UACA: variants seen among roughly 807,000 people sequenced by gnomAD.
The protein encoded by UACA is nuclear membrane binding protein.
UACA carries 112 observed loss-of-function variants against 160.5 expected under a neutral mutation model. The observed-to-expected ratio is 0.70, with a 90% CI of 0.60 to 0.82. The LOEUF (loss-of-function observed/expected upper bound fraction) is 0.82, where lower values mean the gene tolerates loss of function less well. Among genes scored for constraint, UACA ranks in the 40% least tolerant of loss-of-function variants. The pLI is 0.00. For missense variants in UACA, 1,574 were observed against 1,614.6 expected (o/e 0.97, Z 0.43); for synonymous variants, 557 against 568.4 (o/e 0.98, Z 0.29).
Position 70,763,359 on chromosome 15 carries a change from C to G in UACA, c.49G>C (p.Ala17Pro). ...RLRRQDVPGP[A>P]SSGAAAASAH... ...CTGGCGGCGGCGGCGCCAGACGACG[C>G]GGGGCCGGGCACGTCCTGCCTCCTC... Residue 17 changes from alanine to proline, a missense_variant, in exon 1 of 19, where the codon GCG becomes CCG. Ala to Pro is a conservative substitution (Grantham distance 27, BLOSUM62 -1). Coordinates refer to ENST00000322954, the MANE Select transcript of UACA (RefSeq NM_018003.4). 1 of 1,333,372 alleles carries G rather than the reference C, an allele frequency of 7.5e-7. No homozygotes were observed. Among genetic ancestry groups the G allele is most frequent in the Non-Finnish European group, 9.6e-7 (1 of 1,036,498 alleles). The allele number at this position is 1,333,372 out of a possible 1,614,324, so 82.6% of individuals were successfully genotyped here.
chr15:70,762,605 A>G (rs797007969), intron 1 of UACA, among the ~76,000 whole-genome samples: 7 of 152,320 alleles, frequency 4.6e-5, no homozygotes, highest in African/African-American at 1.7e-4. Flanking sequence ...GCAGGTCAGC[A>G]CCGAAAGAGC....
chr15:70,670,940 T>A, intron 15 of UACA, 99 bp downstream of exon 15: 1 of 629,106 alleles, frequency 1.6e-6, no homozygotes, highest in South Asian at 3.3e-5. Context: ...ACTCTATGTA[T>A]ATATACTTAA....
chr15:70,778,151 T>G, the UACA span, among the ~76,000 whole-genome samples: 1 of 151,528 alleles, frequency 6.6e-6, no homozygotes, highest in Non-Finnish European at 1.5e-5. Flanking sequence ...CAGTGAGCTG[T>G]GATCGTGCCA....
At chr15:70,762,912 G>A (rs931365005) in intron 1 of UACA, among the ~76,000 whole-genome samples, 2 of 152,200 alleles carry the variant, frequency 1.3e-5, no homozygotes, top group Non-Finnish European at 2.9e-5. Context: ...TGCGAGCCCC[G>A]GCCCCGGGGA....
intron 2 of UACA, among the ~76,000 whole-genome samples, chr15:70,699,003 G>A (rs1384902956): frequency 6.6e-6 from 1 of 152,182 alleles, no homozygotes; most frequent in Admixed American, 6.5e-5. Context: ...AGCCACAGTA[G>A]TTATCCTGCC....
At chr15:70,687,342 A>G (rs1489450389) in intron 7 of UACA, among the ~76,000 whole-genome samples, 198 bp downstream of exon 7, 1 of 152,022 alleles carries the variant, frequency 6.6e-6, no homozygotes, top group Non-Finnish European at 1.5e-5. Context: ...ATCTTCCTCT[A>G]TTTCCCTCTC....
chr15:70,763,268 G>A (rs2030886949), intron 1 of UACA, 62 bp downstream of exon 1: 1 of 1,290,616 alleles, frequency 7.7e-7, no homozygotes. Context: ...GAACTCGCCA[G>A]CAAAGGAGGG....
chr15:70,668,799 CTGGAA>C lies in UACA; in HGVS notation c.1880_1884del (p.Ile627SerfsTer2), dbSNP rs1209304699. 6.2e-7 allele frequency: 1 copy of C among 1,613,806 alleles called. No individual in the cohort carries two copies. Among genetic ancestry groups the C allele is most frequent in the Non-Finnish European group, 8.5e-7 (1 of 1,180,018 alleles). ...CTCTTCATGTTTTCAAATTTTTCAG[CTGGAA>C]TGGAAAGGGCCAACTTCGCTGACAA... On this transcript the variant is annotated frameshift_variant, in exon 16 of 19. Transcript: ENST00000322954. LOFTEE classifies it high-confidence loss of function.
chr15:70,682,823 C>G (rs1320195441), intron 8 of UACA, 28 bp from the exon 9 acceptor site: 1 of 1,539,112 alleles, frequency 6.5e-7, no homozygotes, highest in Admixed American at 2.0e-5. Flanking sequence ...AGAGAAACAA[C>G]AAAATGGCAG....
intron 13 of UACA, among the ~76,000 whole-genome samples, chr15:70,673,740 GTTA>G (rs778409540): frequency 6.6e-6 from 1 of 152,262 alleles, no homozygotes; most frequent in East Asian, 1.9e-4. Flanking sequence ...TACATGTTAA[GTTA>G]TTATACATAA....
At chr15:70,690,155 C>CCT (rs745886307) in intron 5 of UACA, among the ~76,000 whole-genome samples, 2,143 of 149,650 alleles carry the variant, frequency 0.014, 38 homozygotes, top group African/African-American at 0.041. Flanking sequence ...TCTCTGTTTC[C>CCT]CTCTCTCTCT....
chr15:70,704,678 T>C (rs967726657), intron 1 of UACA, among the ~76,000 whole-genome samples: 3 of 152,224 alleles, frequency 2.0e-5, no homozygotes, highest in African/African-American at 7.2e-5. Flanking sequence ...TAGATATGAA[T>C]GATCTCAGCA....
intron 1 of UACA, among the ~76,000 whole-genome samples, chr15:70,702,530 T>C (rs1371944038): frequency 6.6e-6 from 1 of 152,170 alleles, no homozygotes; most frequent in East Asian, 1.9e-4. Context: ...TAAAAACCAA[T>C]TGTGTGACAT....
At chr15:70,756,256 TC>T (rs1354384520) in intron 1 of UACA, among the ~76,000 whole-genome samples, 2 of 151,630 alleles carry the variant, frequency 1.3e-5, no homozygotes, top group African/African-American at 4.8e-5. Context: ...AACCTCCGCC[TC>T]CCAGGTTCAA....
intron 1 of UACA, among the ~76,000 whole-genome samples, chr15:70,701,495 G>C (rs961032992): frequency 1.3e-5 from 2 of 152,064 alleles, no homozygotes; most frequent in Admixed American, 1.3e-4. Flanking sequence ...TAAACTTGCT[G>C]GTGGAAAAAA....
chr15:70,676,069 A>C (rs550619807), intron 13 of UACA, among the ~76,000 whole-genome samples: 1 of 152,240 alleles, frequency 6.6e-6, no homozygotes, highest in Non-Finnish European at 1.5e-5. Flanking sequence ...CAAAGACAAA[A>C]GATTCATGCT....
At chr15:70,702,179 T>C (rs1898389924) in intron 1 of UACA, 3 of 1,214,960 alleles carry the variant, frequency 2.5e-6, no homozygotes, top group Non-Finnish European at 3.1e-6. Context: ...AGTAACTCTA[T>C]CTATTTCTTA....
intron 1 of UACA, among the ~76,000 whole-genome samples, chr15:70,747,851 AG>A (rs1366467684): frequency 1.3e-5 from 2 of 152,172 alleles, no homozygotes; most frequent in African/African-American, 4.8e-5. Flanking sequence ...TTATTTATAT[AG>A]AAAAAAATAA....
chr15:70,735,282 C>G (rs1243603928), intron 1 of UACA, among the ~76,000 whole-genome samples: 1 of 150,982 alleles, frequency 6.6e-6, no homozygotes, highest in Non-Finnish European at 1.5e-5. Flanking sequence ...AATCATACCA[C>G]AAACCTCGGC....
Sources: allele counts gnomAD v4.1 joint callset (sites outside exome capture counted in the v4.1 genomes callset), GRCh38; gene constraint gnomAD v4.1.1; transcripts MANE v1.5; gene names NCBI Gene and HGNC (gene_info 2026-07-23, HGNC 2026-07-21).